Variants in TRIP12 observed in about 807,000 individuals in gnomAD.
TRIP12 encodes thyroid hormone receptor interactor 12.
TRIP12 carries 25 observed loss-of-function variants against 244.2 expected under a neutral mutation model. The observed-to-expected ratio is 0.10, with a 90% confidence interval of 0.07 to 0.14. TRIP12 has a LOEUF of 0.14. TRIP12 is among the 10% of genes least tolerant of loss of function. The probability of loss-of-function intolerance (pLI) is 1.00; values close to 1 mark genes in which losing one functional copy is unlikely to be tolerated. For synonymous variants in TRIP12, 905 were observed against 873.1 expected (o/e 1.04, Z -0.64); for missense variants, 1,677 against 2,486.4 (o/e 0.67, Z 6.92).
At chr2:229,873,792 G>C (rs1206636600) in intron 2 of TRIP12, among the ~76,000 whole-genome samples, 1 of 152,056 alleles carries the variant, frequency 6.6e-6, no homozygotes, top group Non-Finnish European at 1.5e-5. Flanking sequence ...TCACAATTGA[G>C]TTTTTACTGA....
At chr2:229,807,649 T>C (rs748929662) in intron 17 of TRIP12, 59 bp downstream of exon 17, 9 of 1,597,802 alleles carry the variant, frequency 5.6e-6, no homozygotes, top group African/African-American at 5.4e-5. Context: ...CCCCATTCCA[T>C]CCCTACACCC....
intron 38 of TRIP12, among the ~76,000 whole-genome samples, chr2:229,772,054 C>T (rs1361492593): frequency 6.6e-6 from 1 of 152,182 alleles, no homozygotes; most frequent in Non-Finnish European, 1.5e-5. Flanking sequence ...ATGTTTAGTT[C>T]TAAATCCTGT....
chr2:229,787,565 T>C lies in TRIP12; in HGVS notation c.4935A>G (p.Pro1645=). Residue 1645 remains proline, a synonymous_variant, in exon 33 of 42, where the codon CCA becomes CCG. Coordinates refer to ENST00000675903, the MANE Select transcript of TRIP12 (RefSeq NM_001348323.3). ...CTTGAGAATCAGACTGGTTGATTTC[T>C]GGGTTGGTATCAAGTAATCTTTGCA... ...RAMQRLLDTN[P]EINQSDSQDS... 6.2e-7 allele frequency: 1 copy of C among 1,614,082 alleles called. No homozygotes were observed. The highest frequency in any genetic ancestry group is 2.2e-5 in the East Asian group (1 of 44,868).
chr2:229,893,788 G>A (rs2068002274), intron 1 of TRIP12, among the ~76,000 whole-genome samples: 2 of 152,090 alleles, frequency 1.3e-5, no homozygotes, highest in Admixed American at 1.3e-4. Context: ...CATCTCTTTT[G>A]AGCAGAATTA....
chr2:229,804,607 T>C (rs1468550332), intron 18 of TRIP12, among the ~76,000 whole-genome samples: 1 of 152,222 alleles, frequency 6.6e-6, no homozygotes, highest in African/African-American at 2.4e-5. Flanking sequence ...CACTAAAAGC[T>C]TTGTAAAATG....
chr2:229,857,168 C>G (rs1330316444), intron 4 of TRIP12, among the ~76,000 whole-genome samples: 4 of 152,014 alleles, frequency 2.6e-5, no homozygotes, highest in African/African-American at 9.7e-5. Context: ...CTTTTTAAAC[C>G]AAGAAAACAT....
chr2:229,816,012 G>A (rs557167749), intron 9 of TRIP12, among the ~76,000 whole-genome samples: 61 of 152,246 alleles, frequency 4.0e-4, no homozygotes, highest in African/African-American at 1.4e-3. Context: ...TACACACTCT[G>A]TCCTCTCGAA....
intron 8 of TRIP12, among the ~76,000 whole-genome samples, chr2:229,827,815 A>G (rs1479113347): frequency 1.3e-5 from 2 of 152,158 alleles, no homozygotes; most frequent in Admixed American, 1.3e-4. Context: ...AAATATTGTA[A>G]GATTTTTTTT....
intron 9 of TRIP12, among the ~76,000 whole-genome samples, chr2:229,817,124 G>C (rs2048699939): frequency 6.6e-6 from 1 of 152,068 alleles, no homozygotes; most frequent in Non-Finnish European, 1.5e-5. Flanking sequence ...TATTTCACAG[G>C]CTTTTCTTTA....
intron 4 of TRIP12, among the ~76,000 whole-genome samples, chr2:229,851,838 A>G (rs1454850663): frequency 6.6e-6 from 1 of 152,192 alleles, no homozygotes; most frequent in Non-Finnish European, 1.5e-5. Context: ...ATCAGAAGGA[A>G]CAAACTCCAG....
intron 4 of TRIP12, among the ~76,000 whole-genome samples, chr2:229,852,193 G>T (rs1005684811): frequency 3.3e-5 from 5 of 152,180 alleles, no homozygotes; most frequent in African/African-American, 4.8e-5. Context: ...ACGTGCACAT[G>T]ATGTCCACTT....
chr2:229,768,159 C>G (rs147242038), intron 41 of TRIP12, among the ~76,000 whole-genome samples: 10 of 152,232 alleles, frequency 6.6e-5, no homozygotes, highest in Non-Finnish European at 1.5e-4. Context: ...ACACAGGAGG[C>G]TGAAGCAGGA....
intron 34 of TRIP12, among the ~76,000 whole-genome samples, chr2:229,781,436 G>C (rs555394533): frequency 1.3e-5 from 2 of 152,300 alleles, no homozygotes; most frequent in East Asian, 3.9e-4. Context: ...AACAACATGA[G>C]GAGGCAGCTG....
In TRIP12 at chr2:229,829,307, C is replaced by T. The variant is rs199984089; in HGVS notation, c.1355-19G>A. ...AACAAAGCTAAAGAAAAAAGAAGGG[C>T]AGAGTGAACAACTAAGATGACTTCA... On this transcript the variant is annotated intron_variant, in intron 7 of 41. Transcript: ENST00000675903. The T allele has an allele frequency of 1.3e-6, 2 of 1,598,916 alleles. No homozygotes were observed. The highest frequency in any genetic ancestry group is 1.3e-5 in the African/African-American group (1 of 74,228).
At chr2:229,850,249 T>C (rs1162489819) in intron 4 of TRIP12, among the ~76,000 whole-genome samples, 2 of 152,242 alleles carry the variant, frequency 1.3e-5, no homozygotes, top group African/African-American at 4.8e-5. Context: ...AATGCTGTAT[T>C]TACAATTAAA....
intron 6 of TRIP12, among the ~76,000 whole-genome samples, chr2:229,832,603 C>A (rs2154300342): frequency 6.6e-6 from 1 of 152,304 alleles, no homozygotes; most frequent in South Asian, 2.1e-4. Context: ...GTCTAAGTTT[C>A]CTCATAACTG....
Position 229,797,798 on chromosome 2 carries a change from T to C in TRIP12, c.3516A>G (p.Ala1172=). Residue 1172 remains alanine, a synonymous_variant, in exon 24 of 42, where the codon GCA becomes GCG. Transcript: ENST00000675903. The part of the protein sequence containing the change: ...EKIKGWIKEQ[A]HKFVERYFSS... ...TGAAATAACGTTCTACAAATTTATGTGCCTGCTCCTTAATCCAACCTTTAA... is the reference window on the plus strand; with the variant it reads ...TGAAATAACGTTCTACAAATTTATGCGCCTGCTCCTTAATCCAACCTTTAA... 1 of 1,614,058 alleles carries C rather than the reference T, an allele frequency of 6.2e-7. No homozygotes were observed. Among genetic ancestry groups the C allele is most frequent in the Non-Finnish European group, 8.5e-7 (1 of 1,179,940 alleles).
rs1408734433 is a variant in TRIP12, at chr2:229,788,782, G to GA, written c.4838+15dup. 1 of 1,610,188 alleles carries GA rather than the reference G, an allele frequency of 6.2e-7. No individual in the cohort carries two copies. The highest frequency in any genetic ancestry group is 1.1e-5 in the South Asian group (1 of 89,576). ...TAACATTTCCAAGGCCACCATTACA[G>GA]AAGTGATTGTCTTACCAGGTTTTTC... On this transcript the variant is annotated intron_variant, in intron 32 of 41. Transcript: ENST00000675903.
chr2:229,903,018 CTTT>C (rs57794819), intron 1 of TRIP12, among the ~76,000 whole-genome samples: 3 of 104,898 alleles, frequency 2.9e-5, no homozygotes, highest in Non-Finnish European at 6.2e-5. Flanking sequence ...TTCTTTTTTT[CTTT>C]TTTTTTTTTT....
Sources: gnomAD v4.1 joint callset for allele counts (sites outside exome capture counted in the v4.1 genomes callset) on GRCh38, gnomAD v4.1.1 for gene constraint, MANE v1.5 for transcripts, NCBI Gene and HGNC (gene_info 2026-07-23, HGNC 2026-07-21) for gene names.